SPAG17: variants seen among roughly 807,000 people sequenced by gnomAD.
SPAG17 encodes sperm-associated antigen 17.
SPAG17 carries 169 observed loss-of-function variants against 273.6 expected under a neutral mutation model. That is an observed-to-expected ratio of 0.62 (90% CI 0.55 to 0.70). The LOEUF (loss-of-function observed/expected upper bound fraction) is 0.70, where lower values mean the gene tolerates loss of function less well. Among genes scored for constraint, SPAG17 ranks in the 30% least tolerant of loss-of-function variants. SPAG17 has a pLI of 0.00. For synonymous variants in SPAG17, 825 were observed against 873.2 expected, an observed-to-expected ratio of 0.94 and a Z score of 0.97; for missense variants, 2,557 against 2,627.8, an observed-to-expected ratio of 0.97 and a Z score of 0.59.
intron 34 of SPAG17, among the ~76,000 whole-genome samples, chr1:117,994,842 G>C (rs530862234): frequency 5.9e-5 from 9 of 152,096 alleles, no homozygotes; most frequent in African/African-American, 2.2e-4. Flanking sequence ...TTCCCTCTCT[G>C]TGAACCCTAC....
intron 29 of SPAG17, among the ~76,000 whole-genome samples, chr1:118,013,469 A>G (rs1333756866): frequency 6.6e-6 from 1 of 152,292 alleles, no homozygotes; most frequent in East Asian, 1.9e-4. Context: ...GGTTGAGAGC[A>G]TGAGCTCTGG....
chr1:117,954,023 AG>A lies in SPAG17; in HGVS notation c.*26del. 6.2e-7 allele frequency: 1 copy of A among 1,611,698 alleles called. No individual in the cohort carries two copies. The highest frequency in any genetic ancestry group is 8.5e-7 in the Non-Finnish European group (1 of 1,178,606). ...CCTCTGTAGGCTGAGAGGATTATGG[AG>A]GCTATTGAGTTGTACCGAGAAGAAA... On this transcript the variant is annotated 3_prime_UTR_variant, in exon 49 of 49. Coordinates refer to ENST00000336338, the MANE Select transcript of SPAG17 (RefSeq NM_206996.4).
intron 3 of SPAG17, among the ~76,000 whole-genome samples, chr1:118,137,707 T>C (rs1658441721): frequency 6.6e-6 from 1 of 152,184 alleles, no homozygotes; most frequent in Non-Finnish European, 1.5e-5. Flanking sequence ...GTTTGTGAAA[T>C]AGAAGAGTAA....
chr1:118,179,715 G>A (rs1370646881), intron 1 of SPAG17, among the ~76,000 whole-genome samples: 10 of 151,686 alleles, frequency 6.6e-5, no homozygotes, highest in African/African-American at 2.4e-4. Context: ...TAATAACCAG[G>A]TATTTAAGGA....
At chr1:118,073,254 T>C (rs1440442698) in intron 17 of SPAG17, among the ~76,000 whole-genome samples, 1 of 152,200 alleles carries the variant, frequency 6.6e-6, no homozygotes, top group African/African-American at 2.4e-5. Flanking sequence ...TGGGTTTATA[T>C]CTAGCTTCTC....
At chr1:118,082,730 G>A (rs2102151971) in intron 13 of SPAG17, among the ~76,000 whole-genome samples, 1 of 152,306 alleles carries the variant, frequency 6.6e-6, no homozygotes, top group South Asian at 2.1e-4. Context: ...TAATAGTCAG[G>A]GAGGGGCTTC....
At chr1:117,955,094 G>C (rs1651972090) in intron 48 of SPAG17, 1 of 454,470 alleles carries the variant, frequency 2.2e-6, no homozygotes, top group Admixed American at 3.9e-5. Context: ...TCACCTTATA[G>C]ATAAGGAATC....
chr1:117,974,754 GA>G (rs1186070685), intron 43 of SPAG17, among the ~76,000 whole-genome samples: 1 of 152,166 alleles, frequency 6.6e-6, no homozygotes, highest in African/African-American at 2.4e-5. Flanking sequence ...GTGGAAATAA[GA>G]ATAGTATTTT....
intron 32 of SPAG17, among the ~76,000 whole-genome samples, chr1:118,004,452 AG>A (rs371800175): frequency 5.6e-4 from 86 of 152,280 alleles, no homozygotes; most frequent in African/African-American, 1.9e-3. Context: ...GGCCTTGCTG[AG>A]CTGTGGTGGG....
chr1:117,957,889 A>T (rs1279078897), intron 48 of SPAG17, among the ~76,000 whole-genome samples: 1 of 152,218 alleles, frequency 6.6e-6, no homozygotes, highest in Non-Finnish European at 1.5e-5. Context: ...TGGTCTCTAC[A>T]GGTGCAAATG....
At chr1:118,109,941 T>C (rs896273528) in intron 4 of SPAG17, among the ~76,000 whole-genome samples, 6 of 152,216 alleles carry the variant, frequency 3.9e-5, no homozygotes, top group Admixed American at 3.3e-4. Context: ...CTTCAAGAGT[T>C]GTATCTAATA....
chr1:118,149,193 C>T (rs1039947866), intron 3 of SPAG17, among the ~76,000 whole-genome samples: 1 of 152,082 alleles, frequency 6.6e-6, no homozygotes, highest in Admixed American at 6.5e-5. Context: ...TGAAATGGAC[C>T]CCCTGAGTGA....
At chr1:118,000,764 C>T (rs1295222300) in intron 32 of SPAG17, among the ~76,000 whole-genome samples, 2 of 152,156 alleles carry the variant, frequency 1.3e-5, no homozygotes, top group Non-Finnish European at 2.9e-5. Context: ...ATGTCATCTG[C>T]AAACAGGGAC....
intron 32 of SPAG17, among the ~76,000 whole-genome samples, chr1:118,002,182 G>C (rs1306251116): frequency 6.6e-6 from 1 of 152,206 alleles, no homozygotes; most frequent in Admixed American, 6.5e-5. Flanking sequence ...ACTGTGGTCT[G>C]AGAGACAGTT....
chr1:118,010,414 A>G (rs1484091995), intron 30 of SPAG17, among the ~76,000 whole-genome samples: 1 of 152,102 alleles, frequency 6.6e-6, no homozygotes, highest in Non-Finnish European at 1.5e-5. Flanking sequence ...AAAGCCACAC[A>G]CCTACAGTCA....
intron 3 of SPAG17, among the ~76,000 whole-genome samples, chr1:118,146,569 A>G (rs1354483913): frequency 6.6e-6 from 1 of 152,192 alleles, no homozygotes; most frequent in Non-Finnish European, 1.5e-5. Context: ...ATATAACTAC[A>G]AATGTAGTAC....
intron 3 of SPAG17, among the ~76,000 whole-genome samples, chr1:118,148,057 T>G (rs1442871310): frequency 1.3e-5 from 2 of 152,216 alleles, no homozygotes; most frequent in Non-Finnish European, 2.9e-5. Context: ...CGTGAGTTCC[T>G]TATCTCCAAA....
At position 117,992,646 on chromosome 1, in the gene SPAG17, T is replaced by C; in HGVS notation, c.5181A>G (p.Lys1727=). 6.3e-7 allele frequency: 1 copy of C among 1,584,488 alleles called. No individual in the cohort carries two copies. The highest frequency in any genetic ancestry group is 2.3e-5 in the East Asian group (1 of 44,184). The change falls in exon 36 of 49, where the codon AAA becomes AAG. Residue 1727 remains lysine, a splice_region_variant and synonymous_variant. Coordinates refer to ENST00000336338, the MANE Select transcript of SPAG17 (RefSeq NM_206996.4). ...TACCAAACGGAGGTCCTGGAGTTTTTTTCTGTTAACAAAACAAAGCAATAA... is the reference window on the plus strand; with the variant it reads ...TACCAAACGGAGGTCCTGGAGTTTTCTTCTGTTAACAAAACAAAGCAATAA... ...RSWETFPSVE[K]KTPGPPFGTQ...
At chr1:118,161,536 G>GT (rs1165324379) in intron 1 of SPAG17, among the ~76,000 whole-genome samples, 1 of 151,708 alleles carries the variant, frequency 6.6e-6, no homozygotes, top group African/African-American at 2.4e-5. Context: ...AATAGGGAAG[G>GT]TTTTTTTTCT....
Sources: gnomAD v4.1 joint callset for allele counts (sites outside exome capture counted in the v4.1 genomes callset) on GRCh38, gnomAD v4.1.1 for gene constraint, MANE v1.5 for transcripts, NCBI Gene and HGNC (gene_info 2026-07-23, HGNC 2026-07-21) for gene names.